The following GUCY2D variants were observed in gnomAD, a reference collection of about 807,000 sequenced individuals.
GUCY2D encodes the protein retinal guanylyl cyclase 1.
In GUCY2D, 70 loss-of-function variants were observed where a neutral mutation model predicts 101.3. The observed-to-expected ratio is 0.69, with a 90% CI of 0.57 to 0.84. The LOEUF is 0.84. Among genes scored for constraint, GUCY2D ranks in the 40% least tolerant of loss-of-function variants. The pLI, the probability that GUCY2D is intolerant of heterozygous loss-of-function variation, is 0.00. For missense variants in GUCY2D, 1,460 were observed against 1,542.5 expected (o/e 0.95, Z 0.90); for synonymous variants, 688 against 670.7 (o/e 1.03, Z -0.40).
rs539110487 is a variant in GUCY2D, at chr17:8,018,306, C to T, written c.*24+1752C>T. Reference sequence around the variant, plus strand: ...TGTGGTTGGTGGGCCAGGGTCGGCACTGCCTGTGAGCTCATTAGAAATGAA... The same window carrying T: ...TGTGGTTGGTGGGCCAGGGTCGGCATTGCCTGTGAGCTCATTAGAAATGAA... On this transcript the variant is annotated intron_variant, in intron 19 of 19. Transcript: ENST00000254854. Among the ~76,000 whole-genome samples, 11 of 152,304 alleles carry T rather than the reference C, an allele frequency of 7.2e-5. No homozygotes were observed. In the South Asian group the frequency reaches 2.3e-3, roughly 32 times the overall value.
At chr17:8,015,686 C>A in intron 15 of GUCY2D, 57 bp from the exon 16 acceptor site, 1 of 1,362,220 alleles carries the variant, frequency 7.3e-7, no homozygotes, top group Non-Finnish European at 1.0e-6. Flanking sequence ...GAGGCCCTAC[C>A]TAGGTGCAGC....
Position 8,003,290 on chromosome 17 carries a change from C to G in GUCY2D, c.243C>G (p.Ala81=), listed in dbSNP as rs1975668140. Residue 81 remains alanine, a synonymous_variant, in exon 2 of 20, where the codon GCC becomes GCG. Transcript: ENST00000254854. ...CGGACCTGGCCGCCCGCCTGGCCGC[C>G]GCCCGCCTGAACCGCGACCCCGGCC... ...ARPDLAARLA[A]ARLNRDPGLA... 6.7e-7 allele frequency: 1 copy of G among 1,492,598 alleles called. No homozygotes were observed. The highest frequency in any genetic ancestry group is 8.9e-7 in the Non-Finnish European group (1 of 1,127,280). 92.5% of individuals were successfully genotyped at this position (1,492,598 alleles called of 1,614,324 possible).
Position 8,002,986 on chromosome 17 carries a change from C to T in GUCY2D, c.-9-53C>T. The T allele has an allele frequency of 7.2e-7, 1 of 1,397,322 alleles. No individual in the cohort carries two copies. Among genetic ancestry groups the T allele is most frequent in the South Asian group, 1.3e-5 (1 of 78,816 alleles). The allele number at this position is 1,397,322 out of a possible 1,614,324, so 86.6% of individuals were successfully genotyped here. A position where few individuals can be genotyped will look rare whatever the true frequency, so the allele number is the denominator to read the frequency against. On this transcript the variant is annotated intron_variant, in intron 1 of 19. Coordinates refer to ENST00000254854, the MANE Select transcript of GUCY2D (RefSeq NM_000180.4). The surrounding 1 kb of genome is among the most constrained non-coding windows in gnomAD (Gnocchi z 4.9). Reference sequence around the variant, plus strand: ...AGAAACTCGGGGTTACGGGGAGAACCCTAGGGGAGGCCGGGGTCTCAGTCG... The same window carrying T: ...AGAAACTCGGGGTTACGGGGAGAACTCTAGGGGAGGCCGGGGTCTCAGTCG...
chr17:8,010,260 G>A (rs756478965), intron 8 of GUCY2D, among the ~76,000 whole-genome samples: 1 of 152,122 alleles, frequency 6.6e-6, no homozygotes, highest in Non-Finnish European at 1.5e-5. Context: ...ATGAGTTTCC[G>A]GTTCTGTCAG....
At position 8,020,151 on chromosome 17, in the gene GUCY2D, C is replaced by T. The variant is rs1156589549; in HGVS notation, c.*48C>T. The T allele has an allele frequency of 6.8e-6, 1 of 147,824 alleles. No homozygotes were observed. The highest frequency in any genetic ancestry group is 1.5e-5 in the Non-Finnish European group (1 of 67,340). 9.2% of individuals were successfully genotyped at this position (147,824 alleles called of 1,614,324 possible). On this transcript the variant is annotated 3_prime_UTR_variant, in exon 20 of 20. Transcript: ENST00000254854. ...AGGGTCTGGGCCCTGCTCCCTGTCC[C>T]ATCTGCAGTGGACCCCAGGCACCCC...
intron 17 of GUCY2D, 38 bp from the exon 18 acceptor site, chr17:8,016,167 A>G: frequency 7.0e-7 from 1 of 1,420,780 alleles, no homozygotes; most frequent in Non-Finnish European, 9.8e-7. Context: ...CCCTCACCCC[A>G]GTCCGCCTAA....
chr17:8,015,713 T>C lies in GUCY2D; in HGVS notation c.2945-30T>C, dbSNP rs371565742. 9.2e-5 allele frequency: 141 copies of C among 1,527,358 alleles called. No homozygotes were observed. In the African/African-American group the frequency reaches 1.6e-3, roughly 17 times the overall value. The allele number at this position is 1,527,358 out of a possible 1,614,324, so 94.6% of individuals were successfully genotyped here. On this transcript the variant is annotated intron_variant, in intron 15 of 19. Coordinates refer to ENST00000254854, the MANE Select transcript of GUCY2D (RefSeq NM_000180.4). Reference sequence around the variant, plus strand: ...AGGTGCAGCCCAGGGCCGGCCCTGCTAGCCCCGCCGACCCCCAGCATCTCC... The same window carrying C: ...AGGTGCAGCCCAGGGCCGGCCCTGCCAGCCCCGCCGACCCCCAGCATCTCC...
chr17:8,015,514 G>A lies in GUCY2D; in HGVS notation c.2944+12G>A. ...AGGCCTGCACTCGGGTAACTCCCGG[G>A]TCTTCCCAGGCTCCAGCCCATCTCC... On this transcript the variant is annotated intron_variant, in intron 15 of 19. Coordinates refer to ENST00000254854, the MANE Select transcript of GUCY2D (RefSeq NM_000180.4). The A allele has an allele frequency of 3.7e-6, 6 of 1,607,404 alleles. No individual in the cohort carries two copies. The highest frequency in any genetic ancestry group is 5.1e-6 in the Non-Finnish European group (6 of 1,177,348).
intron 10 of GUCY2D, 31 bp downstream of exon 10, chr17:8,012,637 C>T (rs750453350): frequency 1.3e-6 from 2 of 1,574,638 alleles, no homozygotes; most frequent in Admixed American, 1.7e-5. Context: ...CGAGGATCCA[C>T]CGGGATCCCC....
chr17:8,007,427 C>T lies in GUCY2D; in HGVS notation c.1465C>T (p.His489Tyr). 1 of 1,605,364 alleles carries T rather than the reference C, an allele frequency of 6.2e-7. No homozygotes were observed. The highest frequency in any genetic ancestry group is 8.5e-7 in the Non-Finnish European group (1 of 1,172,098). ...AGAFLAHYVR[H>Y]RLLHMQMVSG... ...GGAGGTGACCTCTTTCTCCACCAGG[C>T]ACCGGCTACTTCACATGCAAATGGT... Residue 489 changes from histidine to tyrosine, a missense_variant and splice_region_variant, in exon 6 of 20, where the codon CAC becomes TAC. His to Tyr is a moderately conservative substitution (Grantham distance 83). This residue lies in a region of GUCY2D where 1,196 missense variants were observed against 1,229.6 expected (regional missense o/e 0.97). Coordinates refer to ENST00000254854, the MANE Select transcript of GUCY2D (RefSeq NM_000180.4).
chr17:8,003,182 G>A lies in GUCY2D; in HGVS notation c.135G>A (p.Leu45=), dbSNP rs1308775683. The change falls in exon 2 of 20, where the codon CTG becomes CTA. Residue 45 remains leucine (L), a synonymous_variant. Transcript: ENST00000254854. The part of the protein sequence containing the change: ...RLPLLLLLLL[L]QPPALSAVFT... ...CGCTCCTGCTGCTCCTGCTTCTGCTGCAGCCCCCCGCCCTCTCCGCCGTGT... is the reference window on the plus strand; with the variant it reads ...CGCTCCTGCTGCTCCTGCTTCTGCTACAGCCCCCCGCCCTCTCCGCCGTGT... 2.0e-6 allele frequency: 3 copies of A among 1,513,716 alleles called. No individual in the cohort carries two copies. Among genetic ancestry groups the A allele is most frequent in the Admixed American group, 2.1e-5 (1 of 48,624 alleles). 93.8% of individuals were successfully genotyped at this position (1,513,716 alleles called of 1,614,324 possible).
chr17:8,015,478 C>G lies in GUCY2D; in HGVS notation c.2920C>G (p.Arg974Gly). 1 of 1,612,748 alleles carries G rather than the reference C, an allele frequency of 6.2e-7. No individual in the cohort carries two copies. The highest frequency in any genetic ancestry group is 8.5e-7 in the Non-Finnish European group (1 of 1,179,738). ...RMRHMPEVPV[R>G]IRIGLHSGPC... ...GCGCCATATGCCTGAGGTTCCCGTG[C>G]GCATCCGCATAGGCCTGCACTCGGG... Residue 974 changes from arginine (R) to glycine (G), a missense_variant, in exon 15 of 20, where the codon CGC becomes GGC. Arg to Gly is a moderately radical substitution (Grantham distance 125). Transcript: ENST00000254854.
chr17:8,016,313 AGGGCGAG>A lies in GUCY2D; in HGVS notation c.3224+26_3224+32del, dbSNP rs1341260897. ...GGGGTGAGGGGCCGGCCTCCGCGGC[AGGGCGAG>A]GGACGAGGGACCCCTGCCTCCTGCT... is the stretch of plus-strand genomic sequence containing the variant. On this transcript the variant is annotated intron_variant, in intron 18 of 19. Coordinates refer to ENST00000254854, the MANE Select transcript of GUCY2D (RefSeq NM_000180.4). 2.0e-6 allele frequency: 3 copies of A among 1,531,408 alleles called. No homozygotes were observed. The East Asian group carries it at 7.2e-5, about 37-fold the overall frequency. 94.9% of individuals were successfully genotyped at this position (1,531,408 alleles called of 1,614,324 possible).
At chr17:8,009,021 G>A (rs1372604035) in intron 7 of GUCY2D, among the ~76,000 whole-genome samples, 1 of 152,204 alleles carries the variant, frequency 6.6e-6, no homozygotes, top group Non-Finnish European at 1.5e-5. Context: ...TTCGGAGCAC[G>A]AGGCCCTGTG....
Position 8,014,950 on chromosome 17 carries a change from A to C in GUCY2D, c.2668A>C (p.Thr890Pro). The C allele has an allele frequency of 6.2e-7, 1 of 1,613,920 alleles. No homozygotes were observed. The highest frequency in any genetic ancestry group is 8.5e-7 in the Non-Finnish European group (1 of 1,179,834). Residue 890 changes from threonine to proline, a missense_variant, in exon 14 of 20, where the codon ACC becomes CCC. Transcript: ENST00000254854. The surrounding 1 kb of genome is among the most constrained non-coding windows in gnomAD (Gnocchi z 4.0). Reference sequence around the variant, plus strand: ...GTACTTTAGTGACATTGTGGGCTTCACCACCATCTCTGCCATGAGTGAGCC... The same window carrying C: ...GTACTTTAGTGACATTGTGGGCTTCCCCACCATCTCTGCCATGAGTGAGCC... ...TLYFSDIVGF[T>P]TISAMSEPIE...
intron 7 of GUCY2D, 72 bp downstream of exon 7, chr17:8,008,104 C>A: frequency 1.1e-6 from 1 of 911,532 alleles, no homozygotes; most frequent in East Asian, 2.6e-5. Flanking sequence ...AGGGGAGGCG[C>A]ACTCTCAGGA....
At position 8,002,916 on chromosome 17, in the gene GUCY2D, G is replaced by T; in HGVS notation, c.-9-123G>T. 1.4e-6 allele frequency: 1 copy of T among 708,692 alleles called. No individual in the cohort carries two copies. Among genetic ancestry groups the T allele is most frequent in the Non-Finnish European group, 2.2e-6 (1 of 450,206 alleles). 43.9% of individuals were successfully genotyped at this position (708,692 alleles called of 1,614,324 possible). On this transcript the variant is annotated intron_variant, in intron 1 of 19. Coordinates refer to ENST00000254854, the MANE Select transcript of GUCY2D (RefSeq NM_000180.4). This position sits in a 1 kb window ranked among gnomAD's most constrained non-coding sequence, Gnocchi z 4.9. ...CCAGTTAGTCTTCCCAGCCTCCGGA[G>T]GGGGCGGTAGCAGCAGAATCATCCC...
At position 8,015,747 on chromosome 17, in the gene GUCY2D, ATGCGTGG is replaced by A; in HGVS notation, c.2950_2956del (p.Cys984GlnfsTer35). On this transcript the variant is annotated frameshift_variant, in exon 16 of 20. Transcript: ENST00000254854. LOFTEE classifies it high-confidence loss of function. ...CGACCCCCAGCATCTCCACAGGTCCATGCGTGGCAGGCGTGGTGGGCCTCACCATGCC... is the reference window on the plus strand; with the variant it reads ...CGACCCCCAGCATCTCCACAGGTCCACAGGCGTGGTGGGCCTCACCATGCC... 1 of 1,608,306 alleles carries A rather than the reference ATGCGTGG, an allele frequency of 6.2e-7. No individual in the cohort carries two copies. The highest frequency in any genetic ancestry group is 1.7e-4 in the Middle Eastern group (1 of 6,036).
rs577918795 is a variant in GUCY2D at position 8,013,016 on chromosome 17, T to C, written c.2114-87T>C. The C allele has an allele frequency of 4.6e-5, 57 of 1,235,028 alleles. No homozygotes were observed. In the South Asian group the frequency reaches 7.0e-4, roughly 15 times the overall value. 76.5% of individuals were successfully genotyped at this position (1,235,028 alleles called of 1,614,324 possible). ...CTCAGACCGGTCTCAGGCTGCAGGG[T>C]TGGTGGTGTCTGGGTGCCAACCTGG... On this transcript the variant is annotated intron_variant, in intron 10 of 19. Coordinates refer to ENST00000254854, the MANE Select transcript of GUCY2D (RefSeq NM_000180.4). This position sits in a 1 kb window ranked among gnomAD's most constrained non-coding sequence, Gnocchi z 5.0.
Sources: allele counts gnomAD v4.1 joint callset (sites outside exome capture counted in the v4.1 genomes callset), GRCh38; gene constraint gnomAD v4.1.1; regional missense constraint gnomAD v4.1.1; non-coding constraint Gnocchi (gnomAD v3.1); transcripts MANE v1.5; gene names NCBI Gene and HGNC (gene_info 2026-07-23, HGNC 2026-07-21).